CALN1: variants seen among roughly 807,000 people sequenced by gnomAD.
CALN1 encodes the protein calneuron 1, also known as calcium-binding protein 8.
In CALN1, 17 loss-of-function variants were observed where a neutral mutation model predicts 30.6. The ratio of observed to expected loss-of-function variants is 0.56; its 90% CI spans 0.38 to 0.83. CALN1 has a LOEUF of 0.83. Ranked by LOEUF, CALN1 falls within the 40% of genes least tolerant of loss-of-function variation. The probability of loss-of-function intolerance (pLI) is 0.00; values close to 1 mark genes in which losing one functional copy is unlikely to be tolerated. For missense variants in CALN1, 291 were observed against 354.9 expected, an observed-to-expected ratio of 0.82 and a Z score of 1.45; for synonymous variants, 156 against 131.4, an observed-to-expected ratio of 1.19 and a Z score of -1.28.
At chr7:71,981,971 T>C (rs994820405) in intron 5 of CALN1, among the ~76,000 whole-genome samples, 3 of 152,196 alleles carry the variant, frequency 2.0e-5, no homozygotes, top group Non-Finnish European at 4.4e-5. Flanking sequence ...TGGGAAACAC[T>C]GCAGGCTCCC....
At chr7:71,933,095 CTAGAAGCTTGCATGGG>C (rs139605786) in intron 5 of CALN1, among the ~76,000 whole-genome samples, 26,767 of 151,994 alleles carry the variant, frequency 0.18, 2,493 homozygotes, top group Non-Finnish European at 0.21. Context: ...GACATGCAAG[CTAGAAGCTTGCATGGG>C]TGAATGCCAT....
chr7:72,441,289 G>A (rs1265529666), intron 1 of CALN1, among the ~76,000 whole-genome samples: 5 of 151,934 alleles, frequency 3.3e-5, no homozygotes, highest in African/African-American at 9.7e-5. Context: ...CAGGAGAAAG[G>A]AGTAAGTTAA....
At chr7:72,466,145 C>T in the CALN1 span, among the ~76,000 whole-genome samples, 3 of 152,198 alleles carry the variant, frequency 2.0e-5, no homozygotes, top group Non-Finnish European at 4.4e-5. Flanking sequence ...GTGCCCACTC[C>T]ACCTCCATTG....
At chr7:71,931,389 C>T (rs573483283) in intron 5 of CALN1, among the ~76,000 whole-genome samples, 2 of 152,248 alleles carry the variant, frequency 1.3e-5, no homozygotes, top group South Asian at 4.1e-4. Flanking sequence ...GCCTCAGCCT[C>T]TGGAGTAGCT....
chr7:72,064,048 C>G lies in CALN1; in HGVS notation c.389-40279G>C, dbSNP rs371419909. Among the ~76,000 whole-genome samples, 9 of 152,208 alleles carry G rather than the reference C, an allele frequency of 5.9e-5. No homozygotes were observed. In the East Asian group the frequency reaches 7.7e-4, roughly 13 times the overall value. On this transcript the variant is annotated intron_variant, in intron 4 of 6. Coordinates refer to ENST00000395275, the MANE Select transcript of CALN1 (RefSeq NM_031468.4). ...CAGCACTTTGGGAGGCCAAGGCAGGCAGATCACCTGAGGTTAGGAGTTCGA... is the reference window on the plus strand; with the variant it reads ...CAGCACTTTGGGAGGCCAAGGCAGGGAGATCACCTGAGGTTAGGAGTTCGA...
At chr7:72,073,677 T>TTCTCCTCTCC (rs139378648) in intron 4 of CALN1, among the ~76,000 whole-genome samples, 1 of 141,970 alleles carries the variant, frequency 7.0e-6, no homozygotes, top group Non-Finnish European at 1.5e-5. Context: ...CTCCCCTCCC[T>TTCTCCTCTCC]TCTCCTCTCC....
intron 5 of CALN1, among the ~76,000 whole-genome samples, chr7:71,925,966 G>T (rs1207005660): frequency 6.6e-6 from 1 of 152,130 alleles, no homozygotes; most frequent in Non-Finnish European, 1.5e-5. Flanking sequence ...TGATTCTCCT[G>T]CCTCAGCTTC....
At chr7:72,452,147 G>A (rs893264734), upstream of CALN1, among the ~76,000 whole-genome samples, 10 of 152,288 alleles carry the variant, frequency 6.6e-5, no homozygotes, top group Non-Finnish European at 1.3e-4. Context: ...TTAGGTAAAT[G>A]TTAATATATT....
At chr7:71,799,569 G>A (rs1261558205) in intron 6 of CALN1, among the ~76,000 whole-genome samples, 1 of 151,924 alleles carries the variant, frequency 6.6e-6, no homozygotes, top group South Asian at 2.1e-4. Flanking sequence ...GGATTCAAGC[G>A]ATTCTCCTGC....
intron 1 of CALN1, among the ~76,000 whole-genome samples, chr7:72,444,692 C>G (rs1808467702): frequency 6.6e-6 from 1 of 152,154 alleles, no homozygotes; most frequent in African/African-American, 2.4e-5. Context: ...TGACTTAACT[C>G]AAGGCAGCTG....
At chr7:71,995,432 A>T (rs934916910) in intron 5 of CALN1, among the ~76,000 whole-genome samples, 1 of 152,214 alleles carries the variant, frequency 6.6e-6, no homozygotes, top group Non-Finnish European at 1.5e-5. Context: ...AACCTTGCTG[A>T]GAATTCCTTT....
rs76297621 is a variant in CALN1 at position 72,167,870 on chromosome 7, C to T, written c.245-61576G>A. On this transcript the variant is annotated intron_variant, in intron 3 of 6. Transcript: ENST00000395275. ...TATTTATGAAACATCACAGTCATGT[C>T]AAGAGAGCAACAGCAATTGATTATC... 0.015 allele frequency among the ~76,000 whole-genome samples: 2,335 copies of T among 152,248 alleles called. 195 individuals are homozygous for T. In the East Asian group the frequency reaches 0.25, roughly 16 times the overall value.
chr7:71,875,420 T>A (rs896790435), intron 5 of CALN1, among the ~76,000 whole-genome samples: 4 of 152,098 alleles, frequency 2.6e-5, no homozygotes, highest in African/African-American at 9.7e-5. Flanking sequence ...GAGCAGTAAA[T>A]CATTTTGCAG....
intron 3 of CALN1, among the ~76,000 whole-genome samples, chr7:72,243,506 T>C (rs1034486961): frequency 6.6e-6 from 1 of 152,146 alleles, no homozygotes; most frequent in African/African-American, 2.4e-5. Flanking sequence ...TAGCAAACCT[T>C]AGCTGCATCC....
At chr7:72,278,444 C>T (rs912165856) in intron 3 of CALN1, among the ~76,000 whole-genome samples, 2 of 150,632 alleles carry the variant, frequency 1.3e-5, no homozygotes, top group African/African-American at 2.4e-5. Flanking sequence ...GAAATATCCA[C>T]CATAGATTGC....
chr7:72,356,960 G>GGTTTT (rs773277311), intron 2 of CALN1, among the ~76,000 whole-genome samples: 6 of 151,690 alleles, frequency 4.0e-5, no homozygotes, highest in African/African-American at 7.3e-5. Flanking sequence ...GTTTTGCTTT[G>GGTTTT]GTTTTGTTTT....
intron 2 of CALN1, among the ~76,000 whole-genome samples, chr7:72,381,845 C>A (rs1173923798): frequency 6.6e-6 from 1 of 151,982 alleles, no homozygotes; most frequent in Non-Finnish European, 1.5e-5. Flanking sequence ...CACATGTATC[C>A]CAGAACTTAA....
At chr7:72,248,514 CTTCT>C (rs920944195) in intron 3 of CALN1, among the ~76,000 whole-genome samples, 4 of 152,092 alleles carry the variant, frequency 2.6e-5, no homozygotes, top group Non-Finnish European at 4.4e-5. Flanking sequence ...TCTCTTTCTC[CTTCT>C]TTCTCTCTTC....
At chr7:72,010,360 C>T (rs1800001683) in intron 5 of CALN1, among the ~76,000 whole-genome samples, 1 of 152,142 alleles carries the variant, frequency 6.6e-6, no homozygotes, top group Admixed American at 6.5e-5. Context: ...CAATGCATTT[C>T]TCTTGTTTAT....
Sources: gnomAD v4.1 joint callset for allele counts (sites outside exome capture counted in the v4.1 genomes callset) on GRCh38, gnomAD v4.1.1 for gene constraint, MANE v1.5 for transcripts, NCBI Gene and HGNC (gene_info 2026-07-23, HGNC 2026-07-21) for gene names.